CAMK2D: variants seen among roughly 807,000 people sequenced by gnomAD.
The protein encoded by CAMK2D is calcium/calmodulin-dependent protein kinase type II subunit delta.
CAMK2D carries 37 observed loss-of-function variants against 84.0 expected under a neutral mutation model. That is an observed-to-expected ratio of 0.44 (90% CI 0.34 to 0.58). The LOEUF (loss-of-function observed/expected upper bound fraction) is 0.58, where lower values mean the gene tolerates loss of function less well. CAMK2D is among the 20% of genes least tolerant of loss of function. The pLI is 0.02. For missense variants in CAMK2D, 448 were observed against 652.5 expected, an observed-to-expected ratio of 0.69 and a Z score of 3.41; for synonymous variants, 202 against 212.5, an observed-to-expected ratio of 0.95 and a Z score of 0.43.
chr4:113,690,213 C>A (rs2099382987), intron 2 of CAMK2D, among the ~76,000 whole-genome samples: 1 of 152,126 alleles, frequency 6.6e-6, no homozygotes, highest in Admixed American at 6.5e-5. Context: ...ATTTATAATT[C>A]ACCTCCAATG....
intron 4 of CAMK2D, among the ~76,000 whole-genome samples, chr4:113,558,787 G>A (rs2098683604): frequency 6.7e-6 from 1 of 148,626 alleles, no homozygotes; most frequent in Admixed American, 6.6e-5. Flanking sequence ...TGGGAGGACT[G>A]CTTGAGCCTA....
chr4:113,722,326 T>C (rs1318928655), intron 2 of CAMK2D, among the ~76,000 whole-genome samples: 2 of 152,110 alleles, frequency 1.3e-5, no homozygotes, highest in African/African-American at 4.8e-5. Context: ...TGATATCTCA[T>C]ATGGAATGGC....
intron 3 of CAMK2D, among the ~76,000 whole-genome samples, chr4:113,623,923 T>C (rs1376680748): frequency 6.6e-6 from 1 of 152,172 alleles, no homozygotes; most frequent in East Asian, 1.9e-4. Flanking sequence ...ATTAAATATG[T>C]ATACATCACC....
At chr4:113,644,475 G>A (rs940412920) in intron 3 of CAMK2D, among the ~76,000 whole-genome samples, 2 of 152,166 alleles carry the variant, frequency 1.3e-5, no homozygotes, top group African/African-American at 4.8e-5. Context: ...AGGTTACCTA[G>A]GTGTGGTGGT....
At chr4:113,707,834 G>A (rs2099466532) in intron 2 of CAMK2D, among the ~76,000 whole-genome samples, 1 of 152,136 alleles carries the variant, frequency 6.6e-6, no homozygotes, top group African/African-American at 2.4e-5. Context: ...GAAGGAGACT[G>A]TAACAGTATC....
chr4:113,717,898 A>G (rs1367408181), intron 2 of CAMK2D, among the ~76,000 whole-genome samples: 1 of 152,094 alleles, frequency 6.6e-6, no homozygotes, highest in African/African-American at 2.4e-5. Context: ...GCTGTTAACC[A>G]TTAGATATAT....
At position 113,711,217 on chromosome 4, in the gene CAMK2D, T is replaced by C. The variant is rs115447653; in HGVS notation, c.160+48103A>G. On this transcript the variant is annotated intron_variant, in intron 2 of 20. Coordinates refer to ENST00000511664, the MANE Select transcript of CAMK2D (RefSeq NM_001321571.2). Reference sequence around the variant, plus strand: ...CTATTATGTTTCATTATATTATCTATCTTATCATACATACTTAAAGTTGAA... The same window carrying C: ...CTATTATGTTTCATTATATTATCTACCTTATCATACATACTTAAAGTTGAA... Among the ~76,000 whole-genome samples the C allele has an allele frequency of 5.2e-3, 789 of 150,792 alleles. 7 individuals carry two copies. The highest frequency in any genetic ancestry group is 0.018 in the African/African-American group (749 of 41,324).
intron 4 of CAMK2D, among the ~76,000 whole-genome samples, chr4:113,602,456 T>C (rs2098957258): frequency 6.6e-6 from 1 of 152,194 alleles, no homozygotes. Context: ...AAGCATGACA[T>C]AAATTTGTAG....
chr4:113,503,864 T>C (rs1329360441), intron 14 of CAMK2D, among the ~76,000 whole-genome samples: 2 of 152,182 alleles, frequency 1.3e-5, no homozygotes, highest in African/African-American at 2.4e-5. Context: ...GGCACTTTCA[T>C]TGTGTGATAT....
chr4:113,531,734 A>T (rs925871783), intron 7 of CAMK2D, among the ~76,000 whole-genome samples: 3 of 152,236 alleles, frequency 2.0e-5, no homozygotes, highest in Non-Finnish European at 2.9e-5. Context: ...ATGTACTTGT[A>T]ACTGGCAACT....
chr4:113,705,246 G>A (rs1284982664), intron 2 of CAMK2D, among the ~76,000 whole-genome samples: 6 of 148,326 alleles, frequency 4.0e-5, no homozygotes, highest in Non-Finnish European at 8.9e-5. Flanking sequence ...AGAATGTAGT[G>A]AACCCAGGAG....
chr4:113,619,120 A>G (rs1171221038), intron 3 of CAMK2D, among the ~76,000 whole-genome samples: 3 of 152,114 alleles, frequency 2.0e-5, no homozygotes, highest in African/African-American at 7.2e-5. Flanking sequence ...CCATCTTTCC[A>G]GTTGCTCATA....
chr4:113,747,318 T>TTTTTC (rs2099606701), intron 2 of CAMK2D, among the ~76,000 whole-genome samples: 1 of 112,126 alleles, frequency 8.9e-6, no homozygotes, highest in Admixed American at 1.0e-4. Context: ...TTTTTTTTTT[T>TTTTTC]TAAATTCAAT....
chr4:113,742,711 T>A (rs1188716783), intron 2 of CAMK2D, among the ~76,000 whole-genome samples: 1 of 151,436 alleles, frequency 6.6e-6, no homozygotes, highest in African/African-American at 2.4e-5. Flanking sequence ...AAAGCCCCAA[T>A]CGTCACAGTC....
At chr4:113,609,531 T>A (rs377145255) in intron 3 of CAMK2D, among the ~76,000 whole-genome samples, 1 of 152,170 alleles carries the variant, frequency 6.6e-6, no homozygotes, top group Non-Finnish European at 1.5e-5. Context: ...TAAACAAATG[T>A]TAAGGATCAT....
intron 13 of CAMK2D, among the ~76,000 whole-genome samples, chr4:113,506,691 C>T (rs549477915): frequency 2.0e-5 from 3 of 152,164 alleles, no homozygotes; most frequent in African/African-American, 7.2e-5. Flanking sequence ...GTTAAAGCAC[C>T]ACATGTATTT....
At chr4:113,535,810 C>T (rs186232379) in intron 7 of CAMK2D, among the ~76,000 whole-genome samples, 5 of 152,300 alleles carry the variant, frequency 3.3e-5, no homozygotes, top group Non-Finnish European at 7.4e-5. Context: ...TTTTGTACTT[C>T]CTGTCTTGTG....
chr4:113,709,395 T>C (rs1460777638), intron 2 of CAMK2D, among the ~76,000 whole-genome samples: 2 of 151,834 alleles, frequency 1.3e-5, no homozygotes, highest in Non-Finnish European at 2.9e-5. Context: ...AAAAAAAAAG[T>C]GTTTAAAATA....
chr4:113,528,595 G>A (rs1486363907), intron 8 of CAMK2D, among the ~76,000 whole-genome samples: 1 of 151,898 alleles, frequency 6.6e-6, no homozygotes, highest in Non-Finnish European at 1.5e-5. Flanking sequence ...GCTTCCCTTG[G>A]TTACTGACTA....
Sources: gnomAD v4.1 joint callset for allele counts (sites outside exome capture counted in the v4.1 genomes callset) on GRCh38, gnomAD v4.1.1 for gene constraint, MANE v1.5 for transcripts, NCBI Gene and HGNC (gene_info 2026-07-23, HGNC 2026-07-21) for gene names.